BMPER: variants seen among roughly 807,000 people sequenced by gnomAD.
The protein encoded by BMPER is BMP binding endothelial regulator.
Under a neutral mutation model 87.3 loss-of-function variants are expected in BMPER, and 45 were observed. That is an observed-to-expected ratio of 0.52 (90% CI 0.41 to 0.66). The LOEUF is 0.66. Among genes scored for constraint, BMPER ranks in the 30% least tolerant of loss-of-function variants. The pLI, the probability that BMPER is intolerant of heterozygous loss-of-function variation, is 0.00. For missense variants in BMPER, 784 were observed against 867.5 expected, an observed-to-expected ratio of 0.90 and a Z score of 1.21; for synonymous variants, 326 against 316.2, an observed-to-expected ratio of 1.03 and a Z score of -0.33.
At chr7:34,054,321 A>T (rs1169607625) in intron 8 of BMPER, among the ~76,000 whole-genome samples, 1 of 152,126 alleles carries the variant, frequency 6.6e-6, no homozygotes, top group Non-Finnish European at 1.5e-5. Flanking sequence ...AAGCAGGGAG[A>T]TCTACGGTGA....
At chr7:34,031,290 G>T (rs1357544140) in intron 6 of BMPER, among the ~76,000 whole-genome samples, 6 of 152,084 alleles carry the variant, frequency 3.9e-5, no homozygotes, top group Admixed American at 2.0e-4. Flanking sequence ...ATGTGTGTCA[G>T]CATGTGCTGT....
At chr7:34,092,694 A>G (rs1408447569) in intron 13 of BMPER, among the ~76,000 whole-genome samples, 8 of 152,148 alleles carry the variant, frequency 5.3e-5, no homozygotes, top group African/African-American at 1.9e-4. Context: ...GTCACCCAAA[A>G]CAAGGATCTT....
intron 8 of BMPER, among the ~76,000 whole-genome samples, chr7:34,053,441 A>G (rs569574550): frequency 6.6e-6 from 1 of 152,250 alleles, no homozygotes; most frequent in African/African-American, 2.4e-5. Context: ...GTGCCGGGGC[A>G]TTGATTCCCT....
intron 3 of BMPER, among the ~76,000 whole-genome samples, chr7:33,945,331 A>G (rs1305240582): frequency 2.7e-5 from 4 of 148,744 alleles, no homozygotes; most frequent in Non-Finnish European, 5.9e-5. Context: ...GCTCACTGCA[A>G]CCTTCGACTC....
chr7:34,051,827 G>C, intron 7 of BMPER, 34 bp from the exon 8 acceptor site: 4 of 1,547,520 alleles, frequency 2.6e-6, no homozygotes, highest in Non-Finnish European at 2.7e-6. Flanking sequence ...CCCCGATTCT[G>C]TCTTACTTAC....
chr7:33,921,296 A>G (rs2128604621), intron 2 of BMPER, among the ~76,000 whole-genome samples: 1 of 152,294 alleles, frequency 6.6e-6, no homozygotes, highest in Middle Eastern at 3.4e-3. Flanking sequence ...GATAGTCCAA[A>G]CTTCATTTTC....
At chr7:34,099,279 T>G (rs1446440867) in intron 13 of BMPER, among the ~76,000 whole-genome samples, 1 of 152,236 alleles carries the variant, frequency 6.6e-6, no homozygotes, top group African/African-American at 2.4e-5. Context: ...CTTGTGCTTT[T>G]GACCATTACC....
At chr7:34,028,637 G>A (rs1035555597) in intron 6 of BMPER, among the ~76,000 whole-genome samples, 1 of 17,740 alleles carries the variant, frequency 5.6e-5, no homozygotes, top group South Asian at 1.5e-3. Flanking sequence ...TTTTTTTGTA[G>A]CATTACCATT....
chr7:33,911,862 T>A (rs920800209), intron 2 of BMPER, among the ~76,000 whole-genome samples: 1 of 152,218 alleles, frequency 6.6e-6, no homozygotes, highest in Non-Finnish European at 1.5e-5. Context: ...TTTTAAAAAT[T>A]CTTATTTCCT....
intron 6 of BMPER, among the ~76,000 whole-genome samples, chr7:33,990,459 T>G (rs1158216221): frequency 7.0e-6 from 1 of 143,398 alleles, no homozygotes; most frequent in Non-Finnish European, 1.5e-5. Flanking sequence ...TTTTGTACAT[T>G]GATTTTGTAT....
At chr7:33,923,914 C>T (rs1784295826) in intron 2 of BMPER, among the ~76,000 whole-genome samples, 1 of 152,184 alleles carries the variant, frequency 6.6e-6, no homozygotes, top group South Asian at 2.1e-4. Context: ...ATACCCTGAG[C>T]AATTTTATAC....
Position 33,979,505 on chromosome 7 carries a change from G to A in BMPER, c.576+4721G>A, listed in dbSNP as rs568867897. ...GCACCACTGGCAGGCGCTCAGCAAT[G>A]TTGGCACCCTTCTTCTTTCCTATTG... On this transcript the variant is annotated intron_variant, in intron 6 of 14. Coordinates refer to ENST00000649409, the MANE Select transcript of BMPER (RefSeq NM_001365308.1). 3.7e-4 allele frequency among the ~76,000 whole-genome samples: 56 copies of A among 152,130 alleles called. 1 individual carries two copies. The East Asian group carries it at 9.8e-3, about 26-fold the overall frequency.
chr7:34,132,594 G>C (rs1339485855), intron 13 of BMPER, among the ~76,000 whole-genome samples: 1 of 152,194 alleles, frequency 6.6e-6, no homozygotes, highest in Non-Finnish European at 1.5e-5. Flanking sequence ...TATCTATGTT[G>C]GGAGTAGAAT....
At chr7:34,136,187 G>A (rs1015595760) in intron 13 of BMPER, among the ~76,000 whole-genome samples, 5 of 152,162 alleles carry the variant, frequency 3.3e-5, no homozygotes, top group Non-Finnish European at 7.3e-5. Flanking sequence ...GGCCCAGCAG[G>A]CTAGCCCTGC....
intron 6 of BMPER, among the ~76,000 whole-genome samples, chr7:33,989,828 A>C (rs1478173446): frequency 2.6e-5 from 4 of 152,172 alleles, no homozygotes; most frequent in African/African-American, 9.7e-5. Flanking sequence ...TCAGCTTTCT[A>C]CATGTGGCTA....
At chr7:34,113,547 A>T (rs1319894897) in intron 13 of BMPER, among the ~76,000 whole-genome samples, 4 of 151,698 alleles carry the variant, frequency 2.6e-5, no homozygotes, top group African/African-American at 9.7e-5. Flanking sequence ...AACCATCTAG[A>T]ATGCTTTCAG....
intron 6 of BMPER, among the ~76,000 whole-genome samples, chr7:33,994,752 C>G (rs547241227): frequency 6.6e-6 from 1 of 152,236 alleles, no homozygotes; most frequent in Non-Finnish European, 1.5e-5. Flanking sequence ...AGGCCATTGT[C>G]CTGGGAGTGA....
chr7:33,911,535 A>C (rs1299894050), intron 2 of BMPER, among the ~76,000 whole-genome samples: 1 of 152,202 alleles, frequency 6.6e-6, no homozygotes, highest in Non-Finnish European at 1.5e-5. Flanking sequence ...TTGCAACCCA[A>C]ACTGTCTAGA....
intron 2 of BMPER, among the ~76,000 whole-genome samples, chr7:33,908,317 G>C (rs1241258119): frequency 6.6e-6 from 1 of 152,134 alleles, no homozygotes; most frequent in Non-Finnish European, 1.5e-5. Context: ...ATATTTAAAT[G>C]TGCCGAGAGC....
Sources: gnomAD v4.1 joint callset for allele counts (sites outside exome capture counted in the v4.1 genomes callset) on GRCh38, gnomAD v4.1.1 for gene constraint, MANE v1.5 for transcripts, NCBI Gene and HGNC (gene_info 2026-07-23, HGNC 2026-07-21) for gene names.